CPXM2: variants seen among roughly 807,000 people sequenced by gnomAD.
The protein encoded by CPXM2 is inactive carboxypeptidase-like protein X2.
In CPXM2, 66 loss-of-function variants were observed where a neutral mutation model predicts 86.1. The ratio of observed to expected loss-of-function variants is 0.77; its 90% CI spans 0.63 to 0.94. The LOEUF is 0.94. CPXM2 is among the 40% of genes least tolerant of loss of function. CPXM2 has a pLI of 0.00. For synonymous variants in CPXM2, 388 were observed against 400.2 expected, an observed-to-expected ratio of 0.97 and a Z score of 0.36; for missense variants, 948 against 1,026.3, an observed-to-expected ratio of 0.92 and a Z score of 1.04.
chr10:123,868,105 T>TG (rs1412366327), intron 2 of CPXM2, among the ~76,000 whole-genome samples: 2 of 152,078 alleles, frequency 1.3e-5, no homozygotes, highest in African/African-American at 4.8e-5. Context: ...TCAGAGGCCT[T>TG]GAAAAGTGGA....
chr10:123,816,588 A>C (rs1847818850), intron 4 of CPXM2, among the ~76,000 whole-genome samples: 2 of 152,222 alleles, frequency 1.3e-5, no homozygotes, highest in Non-Finnish European at 2.9e-5. Flanking sequence ...GGTGACTCCA[A>C]TTGCAGCTGC....
In CPXM2 at chr10:123,780,285, C is replaced by T. The variant is rs781654308; in HGVS notation, c.890-30G>A. 2.9e-6 allele frequency: 4 copies of T among 1,357,180 alleles called. No homozygotes were observed. In the East Asian group the frequency reaches 9.2e-5, roughly 31 times the overall value. 84.1% of individuals were successfully genotyped at this position (1,357,180 alleles called of 1,614,324 possible). On this transcript the variant is annotated intron_variant, in intron 6 of 13. Transcript: ENST00000241305. ...GGACAGAAACATGATTTTGCATTTA[C>T]TCCCATCATTCTATCTCCCATGGCA...
intron 4 of CPXM2, among the ~76,000 whole-genome samples, chr10:123,835,543 T>C (rs184127413): frequency 1.3e-5 from 2 of 152,304 alleles, no homozygotes; most frequent in East Asian, 3.9e-4. Context: ...TGCTAAACAC[T>C]ATGGTTCAGA....
rs1013619610 is a variant in CPXM2, at chr10:123,938,703, G to A, written n.174+774C>T. ...CCCGCTGGCTGCCCGGCTGGCCAGC[G>A]TCTACCGCAGCCATCTTGCAGATAC... On this transcript the variant is annotated intron_variant and non_coding_transcript_variant, in intron 2 of 19. Coordinates refer to the CPXM2 transcript ENST00000368854. Among the ~76,000 whole-genome samples, 5 of 152,184 alleles carry A rather than the reference G, an allele frequency of 3.3e-5. No individual in the cohort carries two copies. The East Asian group carries it at 5.8e-4, about 18-fold the overall frequency.
rs768581151 is a variant in CPXM2 at position 123,799,237 on chromosome 10, T to C, written c.654-38A>G. 21 of 1,610,368 alleles carry C rather than the reference T, an allele frequency of 1.3e-5. No homozygotes were observed. In the South Asian group the frequency reaches 2.0e-4, roughly 15 times the overall value. On this transcript the variant is annotated intron_variant, in intron 4 of 13. Transcript: ENST00000241305. The stretch of plus-strand genomic sequence containing the variant: ...AAAACATCATTAGGACTACACACTT[T>C]AAAATGTTTGTTCTTCCATGAAGAG...
chr10:123,874,586 T>G (rs2134219253), intron 2 of CPXM2, among the ~76,000 whole-genome samples: 1 of 152,364 alleles, frequency 6.6e-6, no homozygotes, highest in East Asian at 1.9e-4. Flanking sequence ...AATTTTTTTT[T>G]GTAAAGTTTT....
At chr10:123,786,650 G>A (rs773847419) in intron 6 of CPXM2, among the ~76,000 whole-genome samples, 47 of 152,260 alleles carry the variant, frequency 3.1e-4, no homozygotes, top group Non-Finnish European at 5.3e-4. Flanking sequence ...GGATGGAGAC[G>A]GGACACATCT....
chr10:123,834,757 T>C (rs1488881791), intron 4 of CPXM2, among the ~76,000 whole-genome samples: 1 of 152,176 alleles, frequency 6.6e-6, no homozygotes, highest in Non-Finnish European at 1.5e-5. Context: ...GGGAGGTGTC[T>C]GGGTCATAGG....
At chr10:123,938,595 A>T (rs1043278253) in intron 2 of CPXM2, among the ~76,000 whole-genome samples, 2 of 152,148 alleles carry the variant, frequency 1.3e-5, no homozygotes, top group African/African-American at 4.8e-5. Flanking sequence ...TGGAGCTGCA[A>T]GGGAGCCTGG....
chr10:123,887,648 A>C (rs1174669274), intron 1 of CPXM2, among the ~76,000 whole-genome samples: 1 of 152,042 alleles, frequency 6.6e-6, no homozygotes, highest in African/African-American at 2.4e-5. Flanking sequence ...ACACTGCTAA[A>C]CATCCTGCAA....
rs773008676 is a variant in CPXM2, at chr10:123,768,604, G to A, written c.1221C>T (p.Ile407=). Residue 407 remains isoleucine (I), a synonymous_variant, in exon 9 of 14, where the codon ATC becomes ATT. Coordinates refer to ENST00000241305, the MANE Select transcript of CPXM2 (RefSeq NM_198148.3). The stretch of plus-strand genomic sequence containing the variant: ...TCCGCGTCTCCTCCACCAGGTGGAC[G>A]ATGCGCGCATTCCGGGCCAAGTACT... ...CQEYLARNAR[I]VHLVEETRIH... is the part of the protein sequence containing the mutation. The A allele has an allele frequency of 1.4e-5, 23 of 1,614,012 alleles. No homozygotes were observed. The highest frequency in any genetic ancestry group is 1.7e-4 in the Middle Eastern group (1 of 6,060).
chr10:123,838,925 G>A (rs1021463534), intron 4 of CPXM2, among the ~76,000 whole-genome samples: 4 of 152,188 alleles, frequency 2.6e-5, no homozygotes, highest in Non-Finnish European at 5.9e-5. Flanking sequence ...AGGGAGAAGA[G>A]GGGAGGACCA....
chr10:123,779,024 C>T (rs558118769), intron 7 of CPXM2, among the ~76,000 whole-genome samples: 7 of 152,292 alleles, frequency 4.6e-5, no homozygotes, highest in South Asian at 2.1e-4. Context: ...ATTGGAGCTC[C>T]GCTTAATTAC....
At chr10:123,918,320 G>T (rs1402788100) in intron 2 of CPXM2, among the ~76,000 whole-genome samples, 2 of 152,110 alleles carry the variant, frequency 1.3e-5, no homozygotes, top group Non-Finnish European at 2.9e-5. Flanking sequence ...AACTTGGCAG[G>T]TTTCGATTCT....
At chr10:123,892,951 C>T (rs1297343166), upstream of CPXM2, among the ~76,000 whole-genome samples, 2 of 152,232 alleles carry the variant, frequency 1.3e-5, no homozygotes, top group Non-Finnish European at 2.9e-5. Context: ...CTTCAAATCG[C>T]TTCCCTTCCT....
intron 4 of CPXM2, among the ~76,000 whole-genome samples, chr10:123,840,256 TGTC>T (rs1327874328): frequency 3.9e-5 from 6 of 152,310 alleles, no homozygotes; most frequent in East Asian, 1.9e-4. Context: ...GGAAAACAAT[TGTC>T]GTGGTAATAA....
intron 4 of CPXM2, among the ~76,000 whole-genome samples, chr10:123,816,607 A>T (rs1847819270): frequency 6.6e-6 from 1 of 152,194 alleles, no homozygotes; most frequent in Non-Finnish European, 1.5e-5. Flanking sequence ...GCTGTACCAG[A>T]TGTGGTTTCA....
intron 2 of CPXM2, among the ~76,000 whole-genome samples, chr10:123,925,211 C>T (rs867946496): frequency 2.0e-5 from 3 of 152,136 alleles, no homozygotes; most frequent in African/African-American, 7.2e-5. Context: ...CACTGTTTTA[C>T]ATGTTTCTAG....
At chr10:123,766,827 A>G (rs993860170) in intron 10 of CPXM2, 146 bp downstream of exon 10, 7 of 624,466 alleles carry the variant, frequency 1.1e-5, no homozygotes, top group Non-Finnish European at 2.0e-5. Context: ...GGTAGTTATT[A>G]TCTAGCATAC....
Sources: allele counts gnomAD v4.1 joint callset (sites outside exome capture counted in the v4.1 genomes callset), GRCh38; gene constraint gnomAD v4.1.1; transcripts MANE v1.5; gene names NCBI Gene and HGNC (gene_info 2026-07-23, HGNC 2026-07-21).